The following FSTL1 variants were observed in gnomAD, a reference collection of about 807,000 sequenced individuals.
The protein encoded by FSTL1 is follistatin like 1.
FSTL1 carries 24 observed loss-of-function variants against 45.9 expected under a neutral mutation model. The ratio of observed to expected loss-of-function variants is 0.52; its 90% confidence interval spans 0.38 to 0.74. The LOEUF (loss-of-function observed/expected upper bound fraction) is 0.74, where lower values mean the gene tolerates loss of function less well. FSTL1 is among the 30% of genes least tolerant of loss of function. The pLI, the probability that FSTL1 is intolerant of heterozygous loss-of-function variation, is 0.00. For missense variants in FSTL1, 340 were observed against 381.8 expected, an observed-to-expected ratio of 0.89 and a Z score of 0.91; for synonymous variants, 120 against 137.6, an observed-to-expected ratio of 0.87 and a Z score of 0.89.
At chr3:120,450,517 G>C in intron 2 of FSTL1, among the ~76,000 whole-genome samples, 167 bp downstream of exon 2, 1 of 152,156 alleles carries the variant, frequency 6.6e-6, no homozygotes, top group East Asian at 1.9e-4. Flanking sequence ...AAAGATTTAA[G>C]TTTCGTAAGC....
chr3:120,435,134 G>A (rs1284594456), intron 2 of FSTL1, among the ~76,000 whole-genome samples: 2 of 152,082 alleles, frequency 1.3e-5, no homozygotes, highest in Non-Finnish European at 2.9e-5. Flanking sequence ...CACGAGAATT[G>A]CTTTAATCCA....
At chr3:120,444,033 T>C (rs1321047582) in intron 2 of FSTL1, among the ~76,000 whole-genome samples, 1 of 149,970 alleles carries the variant, frequency 6.7e-6, no homozygotes, top group Non-Finnish European at 1.5e-5. Flanking sequence ...ATTCTCGTTA[T>C]ATTTTTGTTG....
intron 9 of FSTL1, 160 bp from the exon 10 acceptor site, chr3:120,400,119 T>C (rs1936792035): frequency 3.2e-6 from 2 of 629,496 alleles, no homozygotes; most frequent in Non-Finnish European, 5.7e-6. Flanking sequence ...GAAGGGGCCC[T>C]GTGTAATTGA....
At chr3:120,401,190 G>T (rs1283894465) in intron 9 of FSTL1, among the ~76,000 whole-genome samples, 2 of 152,212 alleles carry the variant, frequency 1.3e-5, no homozygotes, top group Non-Finnish European at 2.9e-5. Flanking sequence ...AGGCAGGCTA[G>T]GCCACTGACT....
At chr3:120,402,956 G>A (rs775694282) in intron 8 of FSTL1, 38 bp from the exon 9 acceptor site, 19 of 1,332,050 alleles carry the variant, frequency 1.4e-5, no homozygotes, top group East Asian at 2.3e-5. Flanking sequence ...GTTTAGCTGT[G>A]AGGGTGGAAC....
chr3:120,407,105 A>G (rs1053637592), intron 6 of FSTL1, among the ~76,000 whole-genome samples: 3 of 152,232 alleles, frequency 2.0e-5, no homozygotes, highest in South Asian at 2.1e-4. Context: ...TGGTGCTCAA[A>G]AAGTTTCAGA....
At chr3:120,428,001 T>G (rs943315932) in intron 2 of FSTL1, among the ~76,000 whole-genome samples, 1 of 152,120 alleles carries the variant, frequency 6.6e-6, no homozygotes, top group African/African-American at 2.4e-5. Flanking sequence ...ATGGGCTTAT[T>G]ATCTGAGGCC....
intron 2 of FSTL1, among the ~76,000 whole-genome samples, chr3:120,444,344 T>C (rs987894540): frequency 2.7e-5 from 4 of 149,842 alleles, no homozygotes; most frequent in Non-Finnish European, 5.9e-5. Flanking sequence ...TGATTGCTAG[T>C]GGCTACCTAG....
intron 2 of FSTL1, among the ~76,000 whole-genome samples, chr3:120,426,243 C>T (rs1453315414): frequency 6.6e-6 from 1 of 152,152 alleles, no homozygotes; most frequent in Non-Finnish European, 1.5e-5. Flanking sequence ...TGGGAAAATT[C>T]TCAAGACAGG....
intron 2 of FSTL1, among the ~76,000 whole-genome samples, chr3:120,446,359 C>T (rs1357368621): frequency 6.6e-6 from 1 of 152,196 alleles, no homozygotes; most frequent in Non-Finnish European, 1.5e-5. Flanking sequence ...TTCTATGAGC[C>T]TGGGGATGGA....
intron 3 of FSTL1, among the ~76,000 whole-genome samples, chr3:120,413,338 A>T (rs1320336355): frequency 6.6e-6 from 1 of 152,196 alleles, no homozygotes; most frequent in African/African-American, 2.4e-5. Flanking sequence ...GGCAACGGGC[A>T]AAACCAAATG....
At chr3:120,442,702 C>G (rs960323377) in intron 2 of FSTL1, among the ~76,000 whole-genome samples, 1 of 150,578 alleles carries the variant, frequency 6.6e-6, no homozygotes, top group South Asian at 2.1e-4. Context: ...ATCACTTGAA[C>G]CCAGGAGGCA....
chr3:120,409,503 G>A (rs1459107838), intron 6 of FSTL1, 29 bp downstream of exon 6: 1 of 1,607,090 alleles, frequency 6.2e-7, no homozygotes, highest in Non-Finnish European at 8.5e-7. Flanking sequence ...CTATGGGCCT[G>A]AATAGTCTTC....
At chr3:120,401,004 A>T (rs985516523) in intron 9 of FSTL1, among the ~76,000 whole-genome samples, 2 of 152,246 alleles carry the variant, frequency 1.3e-5, no homozygotes, top group African/African-American at 4.8e-5. Flanking sequence ...TGTCTGATGC[A>T]TGTGATAGAG....
intron 3 of FSTL1, among the ~76,000 whole-genome samples, chr3:120,415,156 G>A (rs1937165742): frequency 6.8e-6 from 1 of 147,324 alleles, no homozygotes; most frequent in Non-Finnish European, 1.5e-5. Context: ...AAAAAACCCT[G>A]CATCTCATCT....
intron 2 of FSTL1, among the ~76,000 whole-genome samples, chr3:120,429,730 C>T (rs1396768240): frequency 6.6e-6 from 1 of 152,190 alleles, no homozygotes; most frequent in Non-Finnish European, 1.5e-5. Context: ...TCAACAGCCA[C>T]AGGAGGATTT....
intron 10 of FSTL1, among the ~76,000 whole-genome samples, chr3:120,397,640 T>C (rs996680648): frequency 1.3e-5 from 2 of 152,136 alleles, no homozygotes; most frequent in African/African-American, 2.4e-5. Context: ...TGTGAAGAAA[T>C]TGGAACTCTA....
rs534183558 is a variant in FSTL1, at chr3:120,394,445, A to G, written c.*2507T>C. ...GTTTCTTGAAGTTTGACTACTTAAA[A>G]ACATAGGTGTAAAGGAAAGACATTC... On this transcript the variant is annotated 3_prime_UTR_variant, in exon 11 of 11. Transcript: ENST00000295633. 1 of 152,374 alleles carries G rather than the reference A, an allele frequency of 6.6e-6. No homozygotes were observed. Among genetic ancestry groups the G allele is most frequent in the Non-Finnish European group, 1.5e-5 (1 of 68,040 alleles). 9.4% of individuals were successfully genotyped at this position (152,374 alleles called of 1,614,324 possible).
chr3:120,427,211 C>T (rs1429388977), intron 2 of FSTL1, among the ~76,000 whole-genome samples: 1 of 152,220 alleles, frequency 6.6e-6, no homozygotes, highest in Non-Finnish European at 1.5e-5. Context: ...TACACCACTC[C>T]ATCCTCAGTG....
Sources: gnomAD v4.1 joint callset for allele counts (sites outside exome capture counted in the v4.1 genomes callset) on GRCh38, gnomAD v4.1.1 for gene constraint, MANE v1.5 for transcripts, NCBI Gene and HGNC (gene_info 2026-07-23, HGNC 2026-07-21) for gene names.